The following HEATR5B variants were observed in gnomAD, a reference collection of about 807,000 sequenced individuals.
The protein encoded by HEATR5B is HEAT repeat-containing protein 5B.
Under a neutral mutation model 224.1 loss-of-function variants are expected in HEATR5B, and 156 were observed. That is an observed-to-expected ratio of 0.70 (90% CI 0.61 to 0.80). The LOEUF is 0.80. Ranked by LOEUF, HEATR5B falls within the 30% of genes least tolerant of loss-of-function variation. The probability of loss-of-function intolerance (pLI) is 0.00; values close to 1 mark genes in which losing one functional copy is unlikely to be tolerated. For synonymous variants in HEATR5B, 1,027 were observed against 893.0 expected, an observed-to-expected ratio of 1.15 and a Z score of -2.68; for missense variants, 2,323 against 2,535.5, an observed-to-expected ratio of 0.92 and a Z score of 1.80.
chr2:37,037,012 C>T (rs1253040619), intron 21 of HEATR5B, among the ~76,000 whole-genome samples: 3 of 150,966 alleles, frequency 2.0e-5, no homozygotes, highest in Non-Finnish European at 4.4e-5. Flanking sequence ...TTGCATGGCT[C>T]CTGACATATA....
At chr2:37,051,501 T>G (rs1386379420) in intron 17 of HEATR5B, among the ~76,000 whole-genome samples, 1 of 152,002 alleles carries the variant, frequency 6.6e-6, no homozygotes, top group Non-Finnish European at 1.5e-5. Context: ...AGACCAAAAA[T>G]CTATGTCACA....
chr2:36,981,011 C>T lies in HEATR5B; in HGVS notation c.*479G>A, dbSNP rs1414639789. ...AAAGATAAGGACATTTTGGGAAATG[C>T]TTAGAAAATGCTGTGATTTTATTCA... is the stretch of plus-strand genomic sequence containing the variant. On this transcript the variant is annotated 3_prime_UTR_variant, in exon 36 of 36. Transcript: ENST00000233099. The T allele has an allele frequency of 6.6e-6, 1 of 152,246 alleles. No homozygotes were observed. The highest frequency in any genetic ancestry group is 1.5e-5 in the Non-Finnish European group (1 of 68,114). 9.4% of individuals were successfully genotyped at this position (152,246 alleles called of 1,614,324 possible).
chr2:37,035,478 G>C (rs1033618095), intron 21 of HEATR5B, among the ~76,000 whole-genome samples: 4 of 152,012 alleles, frequency 2.6e-5, no homozygotes, highest in African/African-American at 9.7e-5. Flanking sequence ...TGGAGATTAT[G>C]GTAAATCTTG....
intron 24 of HEATR5B, among the ~76,000 whole-genome samples, chr2:37,024,643 T>C (rs1294759796): frequency 6.6e-6 from 1 of 152,164 alleles, no homozygotes; most frequent in Non-Finnish European, 1.5e-5. Context: ...CTGCCAAAAT[T>C]TGGGAGAAAA....
chr2:37,047,817 T>C (rs574926346), intron 18 of HEATR5B, among the ~76,000 whole-genome samples: 3 of 152,336 alleles, frequency 2.0e-5, no homozygotes, highest in Non-Finnish European at 4.4e-5. Flanking sequence ...CAGTCTAATA[T>C]AATGAGGCTG....
In HEATR5B at chr2:37,026,227, A is replaced by G. The variant is rs544682747; in HGVS notation, c.3853+1696T>C. Among the ~76,000 whole-genome samples, 10 of 152,288 alleles carry G rather than the reference A, an allele frequency of 6.6e-5. No individual in the cohort carries two copies. In the East Asian group the frequency reaches 1.5e-3, roughly 23 times the overall value. Reference sequence around the variant, plus strand: ...GAGCCAGGGAGTGCGGGCAGCATATACAAGCTGGAAAGAAAAGGAAAGGGA... The same window carrying G: ...GAGCCAGGGAGTGCGGGCAGCATATGCAAGCTGGAAAGAAAAGGAAAGGGA... On this transcript the variant is annotated intron_variant, in intron 24 of 35. Coordinates refer to ENST00000233099, the MANE Select transcript of HEATR5B (RefSeq NM_019024.3).
At chr2:37,035,517 C>A (rs1669424548) in intron 21 of HEATR5B, among the ~76,000 whole-genome samples, 1 of 152,130 alleles carries the variant, frequency 6.6e-6, no homozygotes, top group Admixed American at 6.5e-5. Flanking sequence ...CTTCCAACTT[C>A]ATTGATCTTT....
chr2:37,075,716 G>GGGTCTAAT (rs1298224492), intron 4 of HEATR5B, 82 bp from the exon 5 acceptor site: 1 of 991,782 alleles, frequency 1.0e-6, no homozygotes, highest in African/African-American at 1.7e-5. Flanking sequence ...AAAGTTCTTT[G>GGGTCTAAT]GGTCTAATGG....
rs752677793 is a variant in HEATR5B, at chr2:37,008,762, G to C, written c.4371C>G (p.Asp1457Glu). ...AIKNTDDDDD[D>E]CGTIDELPPD... ...GTGGCAGTTCATCGATGGTACCACA[G>C]TCGTCATCATCATCGTCAGTATTTT... Residue 1457 changes from aspartate (D) to glutamate (E), a missense_variant, in exon 28 of 36, where the codon GAC becomes GAG. Coordinates refer to ENST00000233099, the MANE Select transcript of HEATR5B (RefSeq NM_019024.3). The C allele has an allele frequency of 3.1e-6, 5 of 1,613,944 alleles. No individual in the cohort carries two copies. The highest frequency in any genetic ancestry group is 4.2e-6 in the Non-Finnish European group (5 of 1,179,854).
chr2:36,993,637 G>C (rs1313087618), intron 33 of HEATR5B, among the ~76,000 whole-genome samples: 2 of 151,936 alleles, frequency 1.3e-5, no homozygotes, highest in Non-Finnish European at 2.9e-5. Flanking sequence ...TTATAAAATG[G>C]AAAAATGGCA....
At chr2:37,062,140 T>C (rs1671320063) in intron 10 of HEATR5B, 90 bp from the exon 11 acceptor site, 1 of 797,962 alleles carries the variant, frequency 1.3e-6, no homozygotes, top group Admixed American at 2.1e-5. Context: ...TTAAAAGAAG[T>C]TGTTGGCTGG....
intron 25 of HEATR5B, 113 bp from the exon 26 acceptor site, chr2:37,019,990 G>T: frequency 1.5e-6 from 1 of 658,586 alleles, no homozygotes; most frequent in Non-Finnish European, 2.6e-6. Context: ...TGCAACCTCT[G>T]CCTCGTAGGC....
intron 33 of HEATR5B, among the ~76,000 whole-genome samples, chr2:36,994,002 T>C (rs1056813463): frequency 1.1e-4 from 16 of 152,214 alleles, no homozygotes; most frequent in African/African-American, 2.9e-4. Flanking sequence ...TGACGGTTAT[T>C]ATTAGGACAA....
At chr2:37,055,037 C>A (rs1405427867) in intron 16 of HEATR5B, 1 of 356,072 alleles carries the variant, frequency 2.8e-6, no homozygotes, top group Non-Finnish European at 5.8e-6. Flanking sequence ...TGTATACATG[C>A]ACATTTTGAT....
Position 36,994,728 on chromosome 2 carries a change from AAATT to A in HEATR5B, c.5546-3933_5546-3930del, listed in dbSNP as rs1033263745. 1.3e-3 allele frequency among the ~76,000 whole-genome samples: 194 copies of A among 152,290 alleles called. 6 individuals are homozygous for A. The highest frequency in any genetic ancestry group is 0.012 in the Admixed American group (187 of 15,290). On this transcript the variant is annotated intron_variant, in intron 33 of 35. Transcript: ENST00000233099. ...ACTCTAGACCCCCTCAACAAAAATT[AAATT>A]AATTATTTTAAAACAAATTCTTATT...
chr2:37,019,017 G>A (rs1253732126), intron 26 of HEATR5B, among the ~76,000 whole-genome samples: 2 of 152,004 alleles, frequency 1.3e-5, no homozygotes, highest in Non-Finnish European at 2.9e-5. Flanking sequence ...CAAATTAGCT[G>A]GGCGTGGTGG....
intron 10 of HEATR5B, among the ~76,000 whole-genome samples, chr2:37,062,271 T>C (rs1036816967): frequency 6.6e-6 from 1 of 151,626 alleles, no homozygotes; most frequent in African/African-American, 2.4e-5. Flanking sequence ...TACCAAAAAA[T>C]ACAAAAAAAT....
chr2:37,059,767 A>G (rs1442637683), intron 12 of HEATR5B, among the ~76,000 whole-genome samples: 1 of 151,928 alleles, frequency 6.6e-6, no homozygotes. Flanking sequence ...GCCACTACAT[A>G]TATTTTTGCA....
In HEATR5B at chr2:37,028,924, A is replaced by G; in HGVS notation, c.3362-4T>C. ...CCAGGGGCAAAAGGACTGACATCTG[A>G]AAGGTAATTTTTACAAATGAATTTG... On this transcript the variant is annotated splice_region_variant and splice_polypyrimidine_tract_variant and intron_variant, in intron 22 of 35. Transcript: ENST00000233099. 3 of 1,612,488 alleles carry G rather than the reference A, an allele frequency of 1.9e-6. No homozygotes were observed. Among genetic ancestry groups the G allele is most frequent in the Non-Finnish European group, 2.5e-6 (3 of 1,178,932 alleles).
Sources: gnomAD v4.1 joint callset for allele counts (sites outside exome capture counted in the v4.1 genomes callset) on GRCh38, gnomAD v4.1.1 for gene constraint, MANE v1.5 for transcripts, NCBI Gene and HGNC (gene_info 2026-07-23, HGNC 2026-07-21) for gene names.